RORB: variants seen among roughly 807,000 people sequenced by gnomAD.
RORB encodes the protein nuclear receptor ROR-beta.
A neutral mutation model predicts 59.1 loss-of-function variants in RORB; 6 were observed. The ratio of observed to expected loss-of-function variants is 0.10; its 90% confidence interval spans 0.06 to 0.20. RORB has a LOEUF of 0.20. RORB is among the 10% of genes least tolerant of loss of function. RORB has a pLI of 1.00. For missense variants in RORB, 320 were observed against 560.5 expected (o/e 0.57, Z 4.33); for synonymous variants, 215 against 204.5 (o/e 1.05, Z -0.44).
intron 1 of RORB, among the ~76,000 whole-genome samples, chr9:74,602,841 T>C (rs1823089062): frequency 6.6e-6 from 1 of 152,232 alleles, no homozygotes; most frequent in Non-Finnish European, 1.5e-5. Flanking sequence ...AAATATAAAG[T>C]ATTATTATTT....
chr9:74,515,657 C>T (rs1281859129), intron 1 of RORB, among the ~76,000 whole-genome samples: 1 of 151,998 alleles, frequency 6.6e-6, no homozygotes, highest in African/African-American at 2.4e-5. Context: ...TCAAAACCCA[C>T]CATTCCAAAA....
rs943142178 is a variant in RORB at position 74,689,965 on chromosome 9, T to C, written c.*4347T>C. ...ATTTCTTCCTGACTCTTTTTTTTTCTATAAACTTTTATTTCCAAGGAAGCT... is the reference window on the plus strand; with the variant it reads ...ATTTCTTCCTGACTCTTTTTTTTTCCATAAACTTTTATTTCCAAGGAAGCT... On this transcript the variant is annotated 3_prime_UTR_variant, in exon 10 of 10. Transcript: ENST00000376896. 1.3e-5 allele frequency: 2 copies of C among 152,140 alleles called. No homozygotes were observed. Among genetic ancestry groups the C allele is most frequent in the Admixed American group, 1.3e-4 (2 of 15,268 alleles). The allele number at this position is 152,140 out of a possible 1,614,324, so 9.4% of individuals were successfully genotyped here.
In RORB at chr9:74,685,956, A is replaced by G. The variant is rs1404905730; in HGVS notation, c.*338A>G. ...CAAGAAAAGAGCGGTACTTTACATG[A>G]TTACTTTTCCTGTTGATTGTTCAAA... On this transcript the variant is annotated 3_prime_UTR_variant, in exon 10 of 10. Coordinates refer to ENST00000376896, the MANE Select transcript of RORB (RefSeq NM_006914.4). The G allele has an allele frequency of 6.1e-6, 1 of 164,192 alleles. No homozygotes were observed. The highest frequency in any genetic ancestry group is 1.3e-5 in the Non-Finnish European group (1 of 76,156). 10.2% of individuals were successfully genotyped at this position (164,192 alleles called of 1,614,324 possible).
intron 1 of RORB, among the ~76,000 whole-genome samples, chr9:74,575,644 T>TA (rs915510621): frequency 2.2e-4 from 33 of 151,978 alleles, no homozygotes; most frequent in Non-Finnish European, 3.1e-4. Context: ...GCCCAATTGT[T>TA]AAAAAAAATC....
At chr9:74,647,198 T>C (rs1340994473) in intron 4 of RORB, among the ~76,000 whole-genome samples, 5 of 152,162 alleles carry the variant, frequency 3.3e-5, no homozygotes. Context: ...CATTTTGCAG[T>C]GGTTGGTGGC....
At chr9:74,663,788 T>C (rs111465205) in intron 6 of RORB, among the ~76,000 whole-genome samples, 4 of 152,210 alleles carry the variant, frequency 2.6e-5, no homozygotes, top group African/African-American at 9.6e-5. Context: ...TTCCTCTCCA[T>C]GTGAGACCCT....
chr9:74,575,975 A>G (rs1822628447), intron 1 of RORB, among the ~76,000 whole-genome samples: 1 of 152,120 alleles, frequency 6.6e-6, no homozygotes, highest in Non-Finnish European at 1.5e-5. Context: ...TAATAAAATA[A>G]TGGTCTTCTT....
intron 1 of RORB, among the ~76,000 whole-genome samples, chr9:74,539,390 G>A (rs143428324): frequency 3.9e-5 from 6 of 152,194 alleles, no homozygotes; most frequent in Admixed American, 1.3e-4. Flanking sequence ...AAAAATGAGC[G>A]CACAGCTTTC....
intron 3 of RORB, among the ~76,000 whole-genome samples, chr9:74,637,579 A>G (rs1233878880): frequency 2.7e-5 from 1 of 36,916 alleles, no homozygotes. Flanking sequence ...AATCTTCTCC[A>G]TCATTTTATT....
chr9:74,601,750 A>C (rs182728277), intron 1 of RORB, among the ~76,000 whole-genome samples: 1 of 152,210 alleles, frequency 6.6e-6, no homozygotes, highest in East Asian at 1.9e-4. Context: ...AAAAGAAATA[A>C]GGAGTTGTAG....
At chr9:74,655,826 C>A (rs911232093) in intron 4 of RORB, among the ~76,000 whole-genome samples, 1 of 152,190 alleles carries the variant, frequency 6.6e-6, no homozygotes, top group African/African-American at 2.4e-5. Flanking sequence ...TCTAGCTGTA[C>A]CGCGTCTTGT....
At chr9:74,679,328 TAAGTA>T (rs1824502945) in intron 9 of RORB, among the ~76,000 whole-genome samples, 1 of 152,226 alleles carries the variant, frequency 6.6e-6, no homozygotes, top group Non-Finnish European at 1.5e-5. Flanking sequence ...TCCCAAGTCA[TAAGTA>T]TGTACTTCAC....
chr9:74,642,315 G>C, intron 3 of RORB, 99 bp from the exon 4 acceptor site: 1 of 1,187,062 alleles, frequency 8.4e-7, no homozygotes. Flanking sequence ...TTGTGCATTT[G>C]AAGTTGAAGG....
At chr9:74,621,776 T>G (rs1426396299) in intron 1 of RORB, among the ~76,000 whole-genome samples, 1 of 152,240 alleles carries the variant, frequency 6.6e-6, no homozygotes, top group African/African-American at 2.4e-5. Context: ...TAAGTAGGTT[T>G]ATAGTGGCAC....
At chr9:74,552,276 A>G (rs1195950694) in intron 1 of RORB, among the ~76,000 whole-genome samples, 2 of 152,174 alleles carry the variant, frequency 1.3e-5, no homozygotes, top group African/African-American at 2.4e-5. Context: ...TGGCAAGGAT[A>G]TGTTTTGTGG....
chr9:74,581,962 A>G (rs942870689), intron 1 of RORB, among the ~76,000 whole-genome samples: 7 of 152,180 alleles, frequency 4.6e-5, no homozygotes, highest in Non-Finnish European at 1.0e-4. Context: ...TAAAGTCTAT[A>G]CTCATGAAGT....
intron 5 of RORB, among the ~76,000 whole-genome samples, 197 bp from the exon 6 acceptor site, chr9:74,662,277 A>G (rs1173987552): frequency 6.6e-6 from 1 of 152,160 alleles, no homozygotes; most frequent in East Asian, 1.9e-4. Context: ...ATTTTGGCCT[A>G]TTGAGGTCCA....
chr9:74,501,878 C>A (rs1825807659), intron 1 of RORB, among the ~76,000 whole-genome samples: 1 of 152,092 alleles, frequency 6.6e-6, no homozygotes, highest in Admixed American at 6.6e-5. Context: ...GAACAGCAAA[C>A]TTTATAAACC....
intron 1 of RORB, among the ~76,000 whole-genome samples, chr9:74,548,146 C>A (rs1405030985): frequency 6.6e-6 from 1 of 152,084 alleles, no homozygotes; most frequent in Non-Finnish European, 1.5e-5. Context: ...CAGGTCATAA[C>A]GTTACCCATA....
Sources: gnomAD v4.1 joint callset for allele counts (sites outside exome capture counted in the v4.1 genomes callset) on GRCh38, gnomAD v4.1.1 for gene constraint, MANE v1.5 for transcripts, NCBI Gene and HGNC (gene_info 2026-07-23, HGNC 2026-07-21) for gene names.